WARS2: variants seen among roughly 807,000 people sequenced by gnomAD.
WARS2 encodes tryptophan--tRNA ligase, mitochondrial.
Under a neutral mutation model 36.5 loss-of-function variants are expected in WARS2, and 28 were observed. That is an observed-to-expected ratio of 0.77 (90% CI 0.57 to 1.05). WARS2 has a LOEUF of 1.05. Ranked by LOEUF, WARS2 falls within the 50% of genes least tolerant of loss-of-function variation. WARS2 has a pLI of 0.00. For synonymous variants in WARS2, 174 were observed against 178.4 expected (o/e 0.98, Z 0.20); for missense variants, 435 against 456.8 (o/e 0.95, Z 0.44).
At chr1:119,068,824 TACTC>T (rs1313436503) in intron 2 of WARS2, among the ~76,000 whole-genome samples, 1 of 100,652 alleles carries the variant, frequency 9.9e-6, no homozygotes, top group Non-Finnish European at 2.0e-5. Flanking sequence ...CTCTCTCTCT[TACTC>T]TCTCTCTCTC....
At chr1:119,051,710 TG>T (rs1355264803) in intron 2 of WARS2, among the ~76,000 whole-genome samples, 2 of 152,060 alleles carry the variant, frequency 1.3e-5, no homozygotes, top group Admixed American at 1.3e-4. Flanking sequence ...TGTTATTTTT[TG>T]ATATTTTAAC....
chr1:119,084,790 C>G (rs1652496649), intron 1 of WARS2, among the ~76,000 whole-genome samples: 1 of 152,136 alleles, frequency 6.6e-6, no homozygotes, highest in Non-Finnish European at 1.5e-5. Flanking sequence ...AGGGCACGTA[C>G]TCTGGTTCAG....
At chr1:119,077,071 G>A (rs1487588365) in intron 1 of WARS2, among the ~76,000 whole-genome samples, 1 of 142,796 alleles carries the variant, frequency 7.0e-6, no homozygotes, top group African/African-American at 2.6e-5. Flanking sequence ...CTGGGAGGTG[G>A]AGGCTGCAGT....
At position 119,060,807 on chromosome 1, in the gene WARS2, G is replaced by C. The variant is rs142782185; in HGVS notation, c.349-15145C>G. 2.5e-3 allele frequency among the ~76,000 whole-genome samples: 376 copies of C among 152,246 alleles called. 8 individuals are homozygous for C. In the East Asian group the frequency reaches 0.033, roughly 13 times the overall value. On this transcript the variant is annotated intron_variant, in intron 2 of 5. Transcript: ENST00000235521. The stretch of plus-strand genomic sequence containing the variant: ...ATGATAGAAACCTGCATTCTTACTG[G>C]CTTGAAGAATGAAAAAACAAAGTTT...
intron 2 of WARS2, among the ~76,000 whole-genome samples, chr1:119,051,294 C>T (rs1319844975): frequency 1.3e-5 from 2 of 152,110 alleles, no homozygotes; most frequent in Non-Finnish European, 2.9e-5. Context: ...TTTGTTTTTC[C>T]ATTCCTGTGT....
chr1:119,139,410 T>C (rs1224990988), intron 1 of WARS2, among the ~76,000 whole-genome samples: 10 of 152,230 alleles, frequency 6.6e-5, no homozygotes, highest in Non-Finnish European at 1.5e-4. Context: ...ATTACTCTCA[T>C]TGGCTTTGTT....
intron 1 of WARS2, among the ~76,000 whole-genome samples, chr1:119,109,863 T>C (rs1022797465): frequency 6.6e-6 from 1 of 151,982 alleles, no homozygotes; most frequent in East Asian, 1.9e-4. Flanking sequence ...TTTTATATGA[T>C]TCAATTTTCT....
At chr1:119,119,632 A>G (rs1655207563) in intron 1 of WARS2, among the ~76,000 whole-genome samples, 1 of 152,106 alleles carries the variant, frequency 6.6e-6, no homozygotes, top group African/African-American at 2.4e-5. Flanking sequence ...CACATGGAAC[A>G]TCCTCCAAGA....
chr1:119,140,017 G>A (rs915182118), intron 1 of WARS2: 1 of 152,510 alleles, frequency 6.6e-6, no homozygotes, highest in Non-Finnish European at 1.5e-5. Flanking sequence ...CAGCCTGCTA[G>A]ATAGAGCAGT....
intron 2 of WARS2, among the ~76,000 whole-genome samples, chr1:119,058,563 G>C (rs1176148558): frequency 7.8e-6 from 1 of 128,054 alleles, no homozygotes; most frequent in Non-Finnish European, 1.6e-5. Flanking sequence ...GCGGTGTTTG[G>C]TTTTTTGTTC....
At chr1:119,097,450 A>G (rs984058518) in intron 1 of WARS2, among the ~76,000 whole-genome samples, 1 of 152,046 alleles carries the variant, frequency 6.6e-6, no homozygotes, top group African/African-American at 2.4e-5. Context: ...TTACTTCCAT[A>G]CTCTTGCTAA....
At chr1:119,134,440 A>C (rs909017828) in intron 1 of WARS2, among the ~76,000 whole-genome samples, 3 of 152,082 alleles carry the variant, frequency 2.0e-5, no homozygotes, top group Non-Finnish European at 4.4e-5. Context: ...GAAAAAAAAC[A>C]GAAGACTGTG....
chr1:119,078,599 TATG>T (rs1486363241), intron 1 of WARS2, among the ~76,000 whole-genome samples: 2 of 152,192 alleles, frequency 1.3e-5, no homozygotes, highest in Non-Finnish European at 2.9e-5. Context: ...GAACTCTTTT[TATG>T]ATTACTACCT....
chr1:119,051,295 A>G (rs12072768), intron 2 of WARS2, among the ~76,000 whole-genome samples: 49,437 of 151,964 alleles, frequency 0.33, 9,484 homozygotes, highest in African/African-American at 0.54. Flanking sequence ...TTGTTTTTCC[A>G]TTCCTGTGTT....
intron 4 of WARS2, among the ~76,000 whole-genome samples, chr1:119,035,984 C>T (rs1162053293): frequency 1.3e-5 from 2 of 152,166 alleles, no homozygotes; most frequent in Admixed American, 6.5e-5. Context: ...GTGGGCGGGT[C>T]ACCTGAGGTC....
intron 1 of WARS2, among the ~76,000 whole-genome samples, chr1:119,101,236 T>C (rs1327164038): frequency 6.6e-6 from 1 of 152,178 alleles, no homozygotes; most frequent in East Asian, 1.9e-4. Context: ...CTATGTATTA[T>C]ATACGTGTAA....
intron 1 of WARS2, among the ~76,000 whole-genome samples, chr1:119,111,163 A>T (rs1417438127): frequency 6.6e-6 from 1 of 152,144 alleles, no homozygotes; most frequent in Non-Finnish European, 1.5e-5. Flanking sequence ...GTCTCTTCAA[A>T]TTGTGTTTTT....
intron 4 of WARS2, among the ~76,000 whole-genome samples, chr1:119,041,933 C>T (rs191178950): frequency 1.6e-3 from 241 of 152,188 alleles, no homozygotes; most frequent in African/African-American, 5.5e-3. Flanking sequence ...AAAATCGGGA[C>T]AATAAGAGTG....
At chr1:119,111,602 T>C (rs1654641148) in intron 1 of WARS2, among the ~76,000 whole-genome samples, 1 of 152,206 alleles carries the variant, frequency 6.6e-6, no homozygotes, top group Admixed American at 6.5e-5. Context: ...TTTTCTCTAA[T>C]ATTTGTTGTG....
Sources: gnomAD v4.1 joint callset for allele counts (sites outside exome capture counted in the v4.1 genomes callset) on GRCh38, gnomAD v4.1.1 for gene constraint, MANE v1.5 for transcripts, NCBI Gene and HGNC (gene_info 2026-07-23, HGNC 2026-07-21) for gene names.